IKZF2: variants seen among roughly 807,000 people sequenced by gnomAD.
The protein encoded by IKZF2 is IKAROS family zinc finger 2.
In IKZF2, 15 loss-of-function variants were observed where a neutral mutation model predicts 49.2. The ratio of observed to expected loss-of-function variants is 0.30; its 90% CI spans 0.20 to 0.47. The LOEUF is 0.47. Among genes scored for constraint, IKZF2 ranks in the 20% least tolerant of loss-of-function variants. The probability of loss-of-function intolerance (pLI) is 1.00; values close to 1 mark genes in which losing one functional copy is unlikely to be tolerated. For missense variants in IKZF2, 567 were observed against 664.6 expected, an observed-to-expected ratio of 0.85 and a Z score of 1.61; for synonymous variants, 227 against 221.4, an observed-to-expected ratio of 1.03 and a Z score of -0.23.
chr2:213,142,110 AT>A (rs1264215931), intron 4 of IKZF2, among the ~76,000 whole-genome samples: 2 of 151,872 alleles, frequency 1.3e-5, no homozygotes, highest in Non-Finnish European at 2.9e-5. Flanking sequence ...TATTAAGGGA[AT>A]TTTTTTCTTT....
At chr2:213,080,179 G>GAGATAGATAGATAGATAGAT (rs6147162) in intron 4 of IKZF2, among the ~76,000 whole-genome samples, 9,712 of 97,124 alleles carry the variant, frequency 0.1, 711 homozygotes, top group African/African-American at 0.21. Context: ...AATCTATATA[G>GAGATAGATAGATAGATAGAT]AGATAGATAG....
chr2:213,041,051 G>A (rs560136685), intron 6 of IKZF2, among the ~76,000 whole-genome samples: 2 of 152,138 alleles, frequency 1.3e-5, no homozygotes, highest in Non-Finnish European at 2.9e-5. Context: ...CCAGGAGGCG[G>A]AGGTTGCAGT....
At chr2:213,105,434 T>C (rs886899475) in intron 4 of IKZF2, among the ~76,000 whole-genome samples, 2 of 152,010 alleles carry the variant, frequency 1.3e-5, no homozygotes, top group Non-Finnish European at 2.9e-5. Flanking sequence ...CACATGCACA[T>C]ACAGTGCAGG....
chr2:213,064,018 C>T (rs528938598), intron 4 of IKZF2, among the ~76,000 whole-genome samples: 4 of 152,088 alleles, frequency 2.6e-5, no homozygotes, highest in African/African-American at 9.6e-5. Context: ...TCACTCAAAA[C>T]AACTACCTCA....
At chr2:213,106,419 G>A (rs1312799656) in intron 4 of IKZF2, among the ~76,000 whole-genome samples, 1 of 151,754 alleles carries the variant, frequency 6.6e-6, no homozygotes, top group African/African-American at 2.4e-5. Flanking sequence ...CTGGAGAATC[G>A]CTTGAGCCCA....
At chr2:213,133,221 G>A (rs1174745633) in intron 4 of IKZF2, among the ~76,000 whole-genome samples, 3 of 152,040 alleles carry the variant, frequency 2.0e-5, no homozygotes, top group Admixed American at 6.6e-5. Context: ...CTTACCATGA[G>A]CCAGTCACTG....
At chr2:213,102,697 T>C (rs1706847771) in intron 4 of IKZF2, among the ~76,000 whole-genome samples, 1 of 151,458 alleles carries the variant, frequency 6.6e-6, no homozygotes, top group South Asian at 2.1e-4. Flanking sequence ...CTCAATTCTA[T>C]TGAATTTATA....
chr2:213,035,701 C>T (rs182522305), intron 6 of IKZF2, among the ~76,000 whole-genome samples: 4 of 152,078 alleles, frequency 2.6e-5, no homozygotes, highest in African/African-American at 4.8e-5. Context: ...CAGAGTGAGG[C>T]GTAAAGTAGT....
At chr2:213,150,580 G>GAA (rs980550240) in intron 1 of IKZF2, among the ~76,000 whole-genome samples, 1 of 149,720 alleles carries the variant, frequency 6.7e-6, no homozygotes, top group Admixed American at 6.7e-5. Flanking sequence ...CAGGAAAGAG[G>GAA]AAAAAAAAGA....
intron 4 of IKZF2, among the ~76,000 whole-genome samples, chr2:213,069,550 C>T (rs974690228): frequency 1.3e-5 from 2 of 152,040 alleles, no homozygotes; most frequent in Non-Finnish European, 2.9e-5. Flanking sequence ...CAGCAATTAC[C>T]GCAATGAACT....
At chr2:213,030,972 C>T (rs764974095) in intron 6 of IKZF2, among the ~76,000 whole-genome samples, 1 of 151,992 alleles carries the variant, frequency 6.6e-6, no homozygotes, top group Non-Finnish European at 1.5e-5. Context: ...ACTACAGGCA[C>T]GTGCCACCAC....
At chr2:213,042,673 G>GA (rs1423321751) in intron 6 of IKZF2, among the ~76,000 whole-genome samples, 2 of 151,972 alleles carry the variant, frequency 1.3e-5, no homozygotes, top group Non-Finnish European at 2.9e-5. Context: ...AAAAATTAGT[G>GA]AAAAAATCTT....
chr2:213,134,631 A>G lies in IKZF2; in HGVS notation c.139+13077T>C, dbSNP rs147937382. ...AGGACCCAGTTCTTTTAACCAATCT[A>G]CCCCCATCTCCTACTCCCTGGCTTT... On this transcript the variant is annotated intron_variant, in intron 4 of 8. Coordinates refer to ENST00000434687, the MANE Select transcript of IKZF2 (RefSeq NM_001387220.1). 8.5e-3 allele frequency among the ~76,000 whole-genome samples: 1,298 copies of G among 152,068 alleles called. 26 individuals are homozygous for G. Among genetic ancestry groups the G allele is most frequent in the African/African-American group, 0.028 (1,151 of 41,470 alleles).
chr2:213,129,774 G>A (rs1275305684), intron 4 of IKZF2, among the ~76,000 whole-genome samples: 1 of 152,128 alleles, frequency 6.6e-6, no homozygotes, highest in Non-Finnish European at 1.5e-5. Context: ...TTAGGCTTAA[G>A]GTACTAGGAA....
intron 4 of IKZF2, among the ~76,000 whole-genome samples, chr2:213,080,339 G>C (rs1045012156): frequency 6.6e-6 from 1 of 152,104 alleles, no homozygotes; most frequent in African/African-American, 2.4e-5. Context: ...ATTTGGGAGG[G>C]AAAGTATTTT....
At chr2:213,094,526 G>A (rs1705741323) in intron 4 of IKZF2, among the ~76,000 whole-genome samples, 1 of 152,018 alleles carries the variant, frequency 6.6e-6, no homozygotes, top group Admixed American at 6.6e-5. Flanking sequence ...CCCCTAGCCT[G>A]GGAGAGAACA....
intron 4 of IKZF2, among the ~76,000 whole-genome samples, chr2:213,107,613 A>G (rs2059576588): frequency 6.6e-6 from 1 of 152,182 alleles, no homozygotes; most frequent in South Asian, 2.1e-4. Flanking sequence ...AACTACCTTC[A>G]TGTATTAGAG....
chr2:213,113,339 GTA>G lies in IKZF2; in HGVS notation c.139+34367_139+34368del, dbSNP rs1211484412. Among the ~76,000 whole-genome samples the G allele has an allele frequency of 2.6e-5, 4 of 152,148 alleles. No individual in the cohort carries two copies. The East Asian group carries it at 7.7e-4, about 29-fold the overall frequency. On this transcript the variant is annotated intron_variant, in intron 4 of 8. Coordinates refer to ENST00000434687, the MANE Select transcript of IKZF2 (RefSeq NM_001387220.1). ...TGCAGAGAGTAGCCTAATCTTTACA[GTA>G]TTTAGGAGTTTAAACATCTTAAAAT... is the stretch of plus-strand genomic sequence containing the variant.
chr2:213,037,799 G>C (rs1209764060), intron 6 of IKZF2, among the ~76,000 whole-genome samples: 1 of 152,114 alleles, frequency 6.6e-6, no homozygotes, highest in Non-Finnish European at 1.5e-5. Flanking sequence ...CTCCAGGAAG[G>C]AAAGGAGGGG....
Sources: allele counts gnomAD v4.1 joint callset (sites outside exome capture counted in the v4.1 genomes callset), GRCh38; gene constraint gnomAD v4.1.1; transcripts MANE v1.5; gene names NCBI Gene and HGNC (gene_info 2026-07-23, HGNC 2026-07-21).